Variants in SSH2 observed in about 807,000 individuals in gnomAD.
SSH2 encodes slingshot protein phosphatase 2.
SSH2 carries 37 observed loss-of-function variants against 135.2 expected under a neutral mutation model. The observed-to-expected ratio is 0.27, with a 90% CI of 0.21 to 0.36. The LOEUF (loss-of-function observed/expected upper bound fraction) is 0.36. Ranked by LOEUF, SSH2 falls within the 10% of genes least tolerant of loss-of-function variation. The pLI is 1.00. For synonymous variants in SSH2, 628 were observed against 646.2 expected (o/e 0.97, Z 0.43); for missense variants, 1,408 against 1,765.3 (o/e 0.80, Z 3.63).
intron 12 of SSH2, among the ~76,000 whole-genome samples, chr17:29,653,279 T>A (rs2036649003): frequency 6.6e-6 from 1 of 152,238 alleles, no homozygotes. Context: ...TGTGGTTTTG[T>A]GTACAGATCC....
intron 13 of SSH2, among the ~76,000 whole-genome samples, chr17:29,650,246 G>T (rs1231412352): frequency 1.3e-5 from 2 of 152,202 alleles, no homozygotes; most frequent in Admixed American, 6.5e-5. Flanking sequence ...AGTAGGAAAA[G>T]ATTTCCAAAG....
intron 2 of SSH2, among the ~76,000 whole-genome samples, chr17:29,798,548 C>A (rs2042197803): frequency 6.6e-6 from 1 of 152,136 alleles, no homozygotes; most frequent in South Asian, 2.1e-4. Flanking sequence ...AACATCATAA[C>A]CATTATGATT....
chr17:29,687,187 G>C (rs1244020428), intron 5 of SSH2, among the ~76,000 whole-genome samples: 8 of 152,252 alleles, frequency 5.3e-5, no homozygotes, highest in African/African-American at 1.9e-4. Flanking sequence ...GCCAGGCCAA[G>C]GGAAAAAGAG....
At chr17:29,721,942 A>ATGTCTTTTTTCTAAATACC (rs2039834976) in intron 3 of SSH2, among the ~76,000 whole-genome samples, 1 of 152,134 alleles carries the variant, frequency 6.6e-6, no homozygotes, top group Non-Finnish European at 1.5e-5. Context: ...TCTAAATGAG[A>ATGTCTTTTTTCTAAATACC]CTGTCCTTGG....
chr17:29,798,390 C>T (rs914633514), intron 2 of SSH2, among the ~76,000 whole-genome samples: 11 of 152,080 alleles, frequency 7.2e-5, no homozygotes, highest in African/African-American at 2.7e-4. Context: ...AACTCCTGAC[C>T]TCGTGATCTG....
intron 1 of SSH2, among the ~76,000 whole-genome samples, chr17:29,876,890 C>A (rs970667912): frequency 2.6e-5 from 4 of 151,768 alleles, no homozygotes; most frequent in Non-Finnish European, 5.9e-5. Flanking sequence ...AGGCAAAAAG[C>A]TTTTGCACAG....
chr17:29,677,381 C>T lies in SSH2; in HGVS notation c.548+292G>A, dbSNP rs1251251799. 2.0e-5 allele frequency among the ~76,000 whole-genome samples: 3 copies of T among 152,132 alleles called. No homozygotes were observed. In the South Asian group the frequency reaches 6.2e-4, roughly 32 times the overall value. The stretch of plus-strand genomic sequence containing the variant: ...GTTATTTGAAACAGAACATATCATC[C>T]TTTGGGAGAGCATTGCAACAGTCCC... On this transcript the variant is annotated intron_variant, in intron 7 of 15. Coordinates refer to ENST00000540801, the MANE Select transcript of SSH2 (RefSeq NM_001282129.2).
chr17:29,907,102 G>A (rs2066667783), intron 1 of SSH2, among the ~76,000 whole-genome samples: 2 of 152,280 alleles, frequency 1.3e-5, no homozygotes, highest in South Asian at 4.2e-4. Context: ...CAAAGACATG[G>A]AATCCATCTA....
chr17:29,689,945 C>T (rs1338714383), intron 5 of SSH2, among the ~76,000 whole-genome samples: 2 of 137,726 alleles, frequency 1.5e-5, no homozygotes, highest in Non-Finnish European at 3.0e-5. Context: ...ACCCAGGAGG[C>T]AGAGGCTGCA....
chr17:29,847,502 C>T (rs928368155), intron 2 of SSH2, among the ~76,000 whole-genome samples: 5 of 152,112 alleles, frequency 3.3e-5, no homozygotes, highest in Admixed American at 1.3e-4. Flanking sequence ...GGGTGGTGCT[C>T]AATAGGAGAC....
At chr17:29,802,507 G>GCTCTGTAATCT (rs1179236176) in intron 2 of SSH2, among the ~76,000 whole-genome samples, 25 of 151,746 alleles carry the variant, frequency 1.6e-4, no homozygotes, top group African/African-American at 2.4e-5. Context: ...TATTGGCCAG[G>GCTCTGTAATCT]CATGGTGGCT....
At chr17:29,731,422 TTTATTTA>T (rs1555622603) in intron 3 of SSH2, among the ~76,000 whole-genome samples, 59 of 2,442 alleles carry the variant, frequency 0.024, no homozygotes, top group African/African-American at 0.045. Context: ...GTATTTTTTA[TTTATTTA>T]TTTATTTATT....
chr17:29,728,155 A>C (rs2040062437), intron 3 of SSH2, among the ~76,000 whole-genome samples: 1 of 152,254 alleles, frequency 6.6e-6, no homozygotes, highest in South Asian at 2.1e-4. Flanking sequence ...ATTTGAAAAA[A>C]ACCTAAAGAC....
At chr17:29,915,569 G>C (rs561200478) in intron 1 of SSH2, among the ~76,000 whole-genome samples, 1 of 152,054 alleles carries the variant, frequency 6.6e-6, no homozygotes, top group African/African-American at 2.4e-5. Flanking sequence ...CACTTGCAAC[G>C]ATCTGTCCCA....
intron 4 of SSH2, among the ~76,000 whole-genome samples, chr17:29,702,227 C>A (rs2039011587): frequency 6.6e-6 from 1 of 152,014 alleles, no homozygotes; most frequent in African/African-American, 2.4e-5. Flanking sequence ...GTGGTGCATG[C>A]CTGTAGTCCC....
intron 9 of SSH2, among the ~76,000 whole-genome samples, chr17:29,670,134 G>A (rs1048325433): frequency 3.3e-5 from 5 of 151,858 alleles, no homozygotes; most frequent in African/African-American, 1.2e-4. Context: ...TACCTGCCTT[G>A]GCCTCCCAAA....
intron 2 of SSH2, among the ~76,000 whole-genome samples, chr17:29,843,418 TG>T (rs2043077788): frequency 6.6e-6 from 1 of 151,784 alleles, no homozygotes; most frequent in African/African-American, 2.4e-5. Flanking sequence ...TAGCCAGGCA[TG>T]GGTGGTGCAT....
intron 2 of SSH2, among the ~76,000 whole-genome samples, chr17:29,812,231 T>C (rs575546151): frequency 3.9e-5 from 6 of 151,912 alleles, no homozygotes; most frequent in African/African-American, 1.2e-4. Flanking sequence ...ATTAAAAGTA[T>C]ACAATTCAAT....
chr17:29,719,308 T>C (rs1483816668), intron 3 of SSH2, among the ~76,000 whole-genome samples: 1 of 152,160 alleles, frequency 6.6e-6, no homozygotes, highest in Non-Finnish European at 1.5e-5. Context: ...GTGATGGTCA[T>C]GGTAGTGGTT....
Sources: allele counts gnomAD v4.1 joint callset (sites outside exome capture counted in the v4.1 genomes callset), GRCh38; gene constraint gnomAD v4.1.1; transcripts MANE v1.5; gene names NCBI Gene and HGNC (gene_info 2026-07-23, HGNC 2026-07-21).